LMF1: variants seen among roughly 807,000 people sequenced by gnomAD.
LMF1 encodes the protein transmembrane protein 112.
LMF1 carries 68 observed loss-of-function variants against 60.6 expected under a neutral mutation model. The ratio of observed to expected loss-of-function variants is 1.12; its 90% CI spans 0.92 to 1.37. The LOEUF (loss-of-function observed/expected upper bound fraction) is 1.37, where lower values mean the gene tolerates loss of function less well. Ranked by LOEUF, LMF1 falls within the 40% of genes most tolerant of loss-of-function variation. LMF1 has a pLI of 0.00. For missense variants in LMF1, 948 were observed against 767.2 expected, an observed-to-expected ratio of 1.24 and a Z score of -2.78; for synonymous variants, 418 against 324.7, an observed-to-expected ratio of 1.29 and a Z score of -3.09.
intron 10 of LMF1, among the ~76,000 whole-genome samples, chr16:857,350 C>T (rs539779351): frequency 7.9e-5 from 12 of 152,376 alleles, no homozygotes; most frequent in African/African-American, 2.4e-4. Context: ...CAGCAACAGC[C>T]GAGTGACTCG....
chr16:939,514 G>A (rs191044641), intron 2 of LMF1, among the ~76,000 whole-genome samples: 10 of 152,362 alleles, frequency 6.6e-5, no homozygotes, highest in Admixed American at 2.6e-4. Context: ...ACGTGCCGCC[G>A]AGCAGCGGAG....
At chr16:901,874 A>C (rs1343532315) in intron 4 of LMF1, 1 of 152,440 alleles carries the variant, frequency 6.6e-6, no homozygotes, top group Non-Finnish European at 1.5e-5. Context: ...CAGCCCCAGG[A>C]AGCCATGACC....
At chr16:895,659 G>A (rs945459437) in intron 4 of LMF1, among the ~76,000 whole-genome samples, 3 of 152,132 alleles carry the variant, frequency 2.0e-5, no homozygotes, top group South Asian at 2.1e-4. Flanking sequence ...GCTGCACCGC[G>A]CCCTGAAGGA....
At chr16:864,949 A>C (rs1027110535) in intron 10 of LMF1, among the ~76,000 whole-genome samples, 3 of 152,180 alleles carry the variant, frequency 2.0e-5, no homozygotes, top group South Asian at 2.1e-4. Context: ...TGGCTTATTT[A>C]GACCATTTAC....
chr16:868,653 T>C (rs2069679058), intron 10 of LMF1, among the ~76,000 whole-genome samples: 1 of 151,910 alleles, frequency 6.6e-6, no homozygotes, highest in South Asian at 2.1e-4. Context: ...TCAACAAAGC[T>C]GTGAGCCGGG....
At chr16:979,952 G>C (rs945635886) in intron 1 of LMF1, 2 of 357,402 alleles carry the variant, frequency 5.6e-6, no homozygotes, top group African/African-American at 2.1e-5. Flanking sequence ...AGGGCCTCCA[G>C]GGGGAAGAGG....
At chr16:971,933 G>T (rs1039640166), upstream of LMF1, among the ~76,000 whole-genome samples, 1 of 152,152 alleles carries the variant, frequency 6.6e-6, no homozygotes, top group Non-Finnish European at 1.5e-5. Context: ...ATTTGTCCTG[G>T]TTTTTTGTTT....
chr16:912,824 G>A (rs1008549088), intron 3 of LMF1, among the ~76,000 whole-genome samples: 6 of 152,342 alleles, frequency 3.9e-5, no homozygotes, highest in East Asian at 3.9e-4. Flanking sequence ...GCTGCGCGGC[G>A]TGCACAAGGG....
At chr16:864,681 G>A in intron 10 of LMF1, among the ~76,000 whole-genome samples, 1 of 141,432 alleles carries the variant, frequency 7.1e-6, no homozygotes, top group Non-Finnish European at 1.5e-5. Context: ...TTTTTTTTGA[G>A]ATAGGGTCTT....
Position 976,490 on chromosome 16 carries a change from G to C in LMF1, c.-135+4655C>G, listed in dbSNP as rs1005544854. ...GCCCCCAGGCTGGGCCTCCCTCGAC[G>C]GAAGGTGACGCTCTCTGGGAGGTCC... On this transcript the variant is annotated intron_variant, in intron 1 of 6. Transcript: ENST00000570014. 3.5e-5 allele frequency: 16 copies of C among 453,972 alleles called. No homozygotes were observed. In the Admixed American group the frequency reaches 3.5e-4, roughly 10 times the overall value. 28.1% of individuals were successfully genotyped at this position (453,972 alleles called of 1,614,324 possible). A position where few individuals can be genotyped will look rare whatever the true frequency, so the allele number is the denominator to read the frequency against.
At position 878,011 on chromosome 16, in the gene LMF1, A is replaced by G. The variant is rs952069122; in HGVS notation, c.897+1559T>C. Among the ~76,000 whole-genome samples the G allele has an allele frequency of 2.6e-5, 4 of 152,134 alleles. No homozygotes were observed. Among genetic ancestry groups the G allele is most frequent in the Non-Finnish European group, 5.9e-5 (4 of 68,032 alleles). On this transcript the variant is annotated intron_variant, in intron 6 of 10. Coordinates refer to ENST00000262301, the MANE Select transcript of LMF1 (RefSeq NM_022773.4). This position sits in a 1 kb window ranked among gnomAD's most constrained non-coding sequence, Gnocchi z 5.2. ...TGGCTACACAGAATCCACTGAAGCTATTCCAGGAGCCCCCAAACACACATG... is the reference window on the plus strand; with the variant it reads ...TGGCTACACAGAATCCACTGAAGCTGTTCCAGGAGCCCCCAAACACACATG...
At chr16:885,813 A>G (rs1260158475) in intron 5 of LMF1, among the ~76,000 whole-genome samples, 1 of 152,250 alleles carries the variant, frequency 6.6e-6, no homozygotes, top group Non-Finnish European at 1.5e-5. Flanking sequence ...AATAATTGAT[A>G]AAACAGGCAG....
rs368644411 is a variant in LMF1, at chr16:931,964, C to T, written c.514+2280G>A. On this transcript the variant is annotated intron_variant, in intron 3 of 10. Transcript: ENST00000262301. ...CTGAAAACACCCAGGGAGACACAAA[C>T]GCAGAAGACTGACTTCCCTGGGCTG... 5.9e-5 allele frequency among the ~76,000 whole-genome samples: 9 copies of T among 152,376 alleles called. No homozygotes were observed. In the South Asian group the frequency reaches 8.3e-4, roughly 14 times the overall value.
intron 1 of LMF1, among the ~76,000 whole-genome samples, chr16:958,055 T>A (rs2072744789): frequency 6.6e-6 from 1 of 152,182 alleles, no homozygotes; most frequent in Non-Finnish European, 1.5e-5. Flanking sequence ...TGCAAAAAGA[T>A]GGACCTGAAC....
At chr16:909,564 G>A (rs973518594) in intron 4 of LMF1, among the ~76,000 whole-genome samples, 2 of 152,098 alleles carry the variant, frequency 1.3e-5, no homozygotes, top group African/African-American at 2.4e-5. Flanking sequence ...CATGCTACAC[G>A]CTACAGCAAG....
upstream of LMF1, among the ~76,000 whole-genome samples, chr16:972,603 A>G (rs2073071003): frequency 6.6e-6 from 1 of 152,184 alleles, no homozygotes; most frequent in African/African-American, 2.4e-5. Context: ...CAGGCCTGCT[A>G]GGGGACGGAC....
chr16:878,229 G>T lies in LMF1; in HGVS notation c.897+1341C>A, dbSNP rs1257658361. Among the ~76,000 whole-genome samples, 2 of 152,158 alleles carry T rather than the reference G, an allele frequency of 1.3e-5. No homozygotes were observed. Among genetic ancestry groups the T allele is most frequent in the Non-Finnish European group, 2.9e-5 (2 of 68,026 alleles). ...GAGAGAAACGTGCGGTCCTGGCTGG[G>T]GGACGATCTGTGAGCAAGTCCGTTC... On this transcript the variant is annotated intron_variant, in intron 6 of 10. Transcript: ENST00000262301. The surrounding 1 kb of genome is among the most constrained non-coding windows in gnomAD (Gnocchi z 5.2).
chr16:975,223 C>G (rs1282961468), upstream of LMF1, among the ~76,000 whole-genome samples: 2 of 152,202 alleles, frequency 1.3e-5, no homozygotes, highest in African/African-American at 4.8e-5. Context: ...TGTGACCCTG[C>G]AAGCTGGCAA....
chr16:934,972 C>T (rs2071898439), intron 2 of LMF1, among the ~76,000 whole-genome samples: 1 of 152,244 alleles, frequency 6.6e-6, no homozygotes, highest in East Asian at 1.9e-4. Context: ...CATGAGGAGC[C>T]CTGCCTCAGG....
Sources: gnomAD v4.1 joint callset for allele counts (sites outside exome capture counted in the v4.1 genomes callset) on GRCh38, gnomAD v4.1.1 for gene constraint, Gnocchi (gnomAD v3.1) non-coding constraint, MANE v1.5 for transcripts, NCBI Gene and HGNC (gene_info 2026-07-23, HGNC 2026-07-21) for gene names.